The following KCNH8 variants were observed in gnomAD, a reference collection of about 807,000 sequenced individuals.
KCNH8 encodes potassium voltage-gated channel subfamily H member 8.
KCNH8 carries 70 observed loss-of-function variants against 103.6 expected under a neutral mutation model. The observed-to-expected ratio is 0.68, with a 90% CI of 0.56 to 0.82. The LOEUF (loss-of-function observed/expected upper bound fraction) is 0.82, where lower values mean the gene tolerates loss of function less well. Among genes scored for constraint, KCNH8 ranks in the 40% least tolerant of loss-of-function variants. The pLI, the probability that KCNH8 is intolerant of heterozygous loss-of-function variation, is 0.00. For synonymous variants in KCNH8, 498 were observed against 489.4 expected (o/e 1.02, Z -0.23); for missense variants, 1,217 against 1,329.9 (o/e 0.92, Z 1.32).
chr3:19,151,236 T>G (rs1300853860), intron 1 of KCNH8, among the ~76,000 whole-genome samples: 2 of 152,180 alleles, frequency 1.3e-5, no homozygotes, highest in Non-Finnish European at 2.9e-5. Flanking sequence ...TTACTTCTAT[T>G]GATTTTTATA....
At chr3:19,203,941 T>G (rs1045095254) in intron 1 of KCNH8, among the ~76,000 whole-genome samples, 2 of 152,110 alleles carry the variant, frequency 1.3e-5, no homozygotes, top group Non-Finnish European at 2.9e-5. Flanking sequence ...TAATGTACTA[T>G]GTAAAATAAG....
intron 15 of KCNH8, among the ~76,000 whole-genome samples, chr3:19,523,924 A>G (rs2069016513): frequency 6.6e-6 from 1 of 151,960 alleles, no homozygotes; most frequent in African/African-American, 2.4e-5. Flanking sequence ...AAACAGAGAA[A>G]GAATCTGAGT....
At chr3:19,486,364 A>G (rs2125219493) in intron 11 of KCNH8, among the ~76,000 whole-genome samples, 1 of 152,354 alleles carries the variant, frequency 6.6e-6, no homozygotes, top group East Asian at 1.9e-4. Flanking sequence ...TTAGCCAATG[A>G]TGTCCTTTGG....
At chr3:19,319,912 T>C (rs184978768) in intron 3 of KCNH8, among the ~76,000 whole-genome samples, 7 of 152,116 alleles carry the variant, frequency 4.6e-5, no homozygotes, top group Admixed American at 2.6e-4. Flanking sequence ...GTATTTTAAT[T>C]TTTTGTAACT....
At chr3:19,330,349 T>C (rs772798507) in intron 3 of KCNH8, among the ~76,000 whole-genome samples, 5 of 152,194 alleles carry the variant, frequency 3.3e-5, no homozygotes, top group Admixed American at 6.5e-5. Context: ...TGTACCACCA[T>C]ATCCTCAATT....
chr3:19,219,622 C>A (rs189921717), intron 1 of KCNH8, among the ~76,000 whole-genome samples: 1 of 152,308 alleles, frequency 6.6e-6, no homozygotes, highest in East Asian at 1.9e-4. Context: ...TGCAACATGG[C>A]TTTTCCATGC....
At chr3:19,473,470 C>A (rs960023979) in intron 11 of KCNH8, among the ~76,000 whole-genome samples, 1 of 152,168 alleles carries the variant, frequency 6.6e-6, no homozygotes, top group African/African-American at 2.4e-5. Context: ...CCTATGGTCA[C>A]AGACTGGCTC....
intron 1 of KCNH8, among the ~76,000 whole-genome samples, chr3:19,252,289 A>G (rs987358647): frequency 6.6e-6 from 1 of 152,194 alleles, no homozygotes; most frequent in Non-Finnish European, 1.5e-5. Context: ...TAAGCACTTA[A>G]TAATAGTTTA....
intron 2 of KCNH8, among the ~76,000 whole-genome samples, chr3:19,265,774 C>T (rs2125262242): frequency 6.6e-6 from 1 of 152,174 alleles, no homozygotes; most frequent in East Asian, 1.9e-4. Flanking sequence ...ACATCATTTA[C>T]ACATGCTTAA....
At chr3:19,168,974 A>G (rs180723754) in intron 1 of KCNH8, among the ~76,000 whole-genome samples, 1 of 152,308 alleles carries the variant, frequency 6.6e-6, no homozygotes, top group East Asian at 1.9e-4. Context: ...CCCTCCGCCA[A>G]CAGGAGCAAG....
chr3:19,216,218 AT>A (rs1260542533), intron 1 of KCNH8, among the ~76,000 whole-genome samples: 1 of 152,194 alleles, frequency 6.6e-6, no homozygotes, highest in Non-Finnish European at 1.5e-5. Flanking sequence ...TGTGGAATTG[AT>A]TCTCTCCATT....
At position 19,518,038 on chromosome 3, in the gene KCNH8, G is replaced by C. The variant is rs771461404; in HGVS notation, c.2583G>C (p.Glu861Asp). ...CTGCTGTTCTCTTCATCAAAGCAGA[G>C]GAGACCAAGCAGCAGATAAACAAAC... ...IGAAVLFIKA[E>D]ETKQQINKLN... is the part of the protein sequence containing the mutation. Residue 861 changes from glutamate to aspartate, a missense_variant, in exon 15 of 16, where the codon GAG (glutamate) becomes GAC (aspartate). By Grantham distance (45) the Glu-to-Asp change is conservative (BLOSUM62 2). This residue lies in a region of KCNH8 where 558 missense variants were observed against 495.8 expected (regional missense o/e 1.13). Coordinates refer to ENST00000328405, the MANE Select transcript of KCNH8 (RefSeq NM_144633.3). 2 of 1,612,168 alleles carry C rather than the reference G, an allele frequency of 1.2e-6. No homozygotes were observed. The highest frequency in any genetic ancestry group is 2.7e-5 in the African/African-American group (2 of 74,806).
chr3:19,359,865 T>C (rs999091239), intron 5 of KCNH8, among the ~76,000 whole-genome samples: 9 of 152,048 alleles, frequency 5.9e-5, no homozygotes, highest in Non-Finnish European at 1.2e-4. Flanking sequence ...AAATAAGATA[T>C]TGCTGAGCTT....
At chr3:19,494,480 G>T (rs936408255) in intron 11 of KCNH8, among the ~76,000 whole-genome samples, 4 of 152,178 alleles carry the variant, frequency 2.6e-5, no homozygotes, top group Non-Finnish European at 5.9e-5. Context: ...TGCCATGATT[G>T]TGAGTCCTCT....
chr3:19,276,464 C>G (rs1020946613), intron 2 of KCNH8, among the ~76,000 whole-genome samples: 2 of 152,024 alleles, frequency 1.3e-5, no homozygotes, highest in African/African-American at 4.8e-5. Context: ...TATTCAAAAT[C>G]CTGCTTGATA....
chr3:19,378,693 C>A (rs1574991156), intron 5 of KCNH8, among the ~76,000 whole-genome samples: 2 of 152,222 alleles, frequency 1.3e-5, no homozygotes, highest in Non-Finnish European at 2.9e-5. Flanking sequence ...TATTTTAACA[C>A]TGAAGAAAAA....
At chr3:19,441,849 G>T (rs2067289532) in intron 8 of KCNH8, among the ~76,000 whole-genome samples, 2 of 152,164 alleles carry the variant, frequency 1.3e-5, no homozygotes, top group Non-Finnish European at 2.9e-5. Context: ...GAGTGTGTGG[G>T]TCTTAAGCAA....
At chr3:19,320,471 A>G (rs2065335106) in intron 3 of KCNH8, among the ~76,000 whole-genome samples, 1 of 151,532 alleles carries the variant, frequency 6.6e-6, no homozygotes, top group South Asian at 2.1e-4. Context: ...CTATTTACCT[A>G]TGTATCCTTA....
chr3:19,335,351 G>C (rs1345053), intron 3 of KCNH8, among the ~76,000 whole-genome samples: 66,598 of 150,986 alleles, frequency 0.44, 16,574 homozygotes, highest in African/African-American at 0.68. Context: ...TTTTCTTTTA[G>C]TGTACTTCTA....
Sources: allele counts gnomAD v4.1 joint callset (sites outside exome capture counted in the v4.1 genomes callset), GRCh38; gene constraint gnomAD v4.1.1; regional missense constraint gnomAD v4.1.1; transcripts MANE v1.5; gene names NCBI Gene and HGNC (gene_info 2026-07-23, HGNC 2026-07-21).